Variants in ITCH observed in about 807,000 individuals in gnomAD.
The protein encoded by ITCH is itchy E3 ubiquitin protein ligase, also known as E3 ubiquitin-protein ligase Itchy homolog.
A neutral mutation model predicts 126.8 loss-of-function variants in ITCH; 28 were observed. The ratio of observed to expected loss-of-function variants is 0.22; its 90% CI spans 0.16 to 0.30. The LOEUF is 0.30. Among genes scored for constraint, ITCH ranks in the 10% least tolerant of loss-of-function variants. The probability of loss-of-function intolerance (pLI) is 1.00; values close to 1 mark genes in which losing one functional copy is unlikely to be tolerated. For missense variants in ITCH, 631 were observed against 1,032.4 expected, an observed-to-expected ratio of 0.61 and a Z score of 5.33; for synonymous variants, 342 against 340.0, an observed-to-expected ratio of 1.01 and a Z score of -0.06.
chr20:34,431,959 G>T (rs1004506303), intron 7 of ITCH, among the ~76,000 whole-genome samples: 1 of 149,108 alleles, frequency 6.7e-6, no homozygotes, highest in Non-Finnish European at 1.5e-5. Flanking sequence ...CAGGAGAATT[G>T]CTTGAACCCG....
intron 17 of ITCH, among the ~76,000 whole-genome samples, chr20:34,478,228 A>G (rs1988407697): frequency 6.6e-6 from 1 of 152,232 alleles, no homozygotes; most frequent in Admixed American, 6.5e-5. Flanking sequence ...ACCACCTCTT[A>G]TATCTGTTCC....
intron 16 of ITCH, among the ~76,000 whole-genome samples, chr20:34,471,942 A>G (rs1987672173): frequency 1.3e-5 from 2 of 152,200 alleles, no homozygotes; most frequent in South Asian, 4.1e-4. Flanking sequence ...TTAACACTTC[A>G]GTATTACTTG....
At chr20:34,448,004 T>A (rs1276570719) in intron 11 of ITCH, among the ~76,000 whole-genome samples, 1 of 152,182 alleles carries the variant, frequency 6.6e-6, no homozygotes, top group Non-Finnish European at 1.5e-5. Context: ...TTTTAACAAA[T>A]AAGCAATCAT....
chr20:34,504,894 T>C (rs1990521549), intron 24 of ITCH, among the ~76,000 whole-genome samples: 1 of 152,240 alleles, frequency 6.6e-6, no homozygotes, highest in Non-Finnish European at 1.5e-5. Context: ...ACTGTTTTAC[T>C]AATGTCTATT....
chr20:34,426,923 C>T (rs543498015), intron 7 of ITCH, among the ~76,000 whole-genome samples: 4 of 151,876 alleles, frequency 2.6e-5, no homozygotes, highest in Admixed American at 2.0e-4. Flanking sequence ...TACAGGCACC[C>T]GCCACGATGC....
intron 3 of ITCH, among the ~76,000 whole-genome samples, chr20:34,403,677 A>G (rs2038960383): frequency 6.6e-6 from 1 of 152,202 alleles, no homozygotes; most frequent in Non-Finnish European, 1.5e-5. Context: ...ACGGAGCCAT[A>G]CGTAAATATG....
chr20:34,445,065 C>T (rs1164642433), intron 10 of ITCH, among the ~76,000 whole-genome samples: 4 of 152,220 alleles, frequency 2.6e-5, no homozygotes, highest in Non-Finnish European at 5.9e-5. Context: ...GAGACTTACT[C>T]ACTAAATATG....
At chr20:34,399,332 C>T (rs746860077) in intron 3 of ITCH, among the ~76,000 whole-genome samples, 5 of 151,262 alleles carry the variant, frequency 3.3e-5, no homozygotes, top group Admixed American at 6.6e-5. Flanking sequence ...GCGGAGATGG[C>T]GGTGAGCTGA....
intron 16 of ITCH, among the ~76,000 whole-genome samples, chr20:34,477,348 T>G (rs1988325876): frequency 6.6e-6 from 1 of 152,088 alleles, no homozygotes; most frequent in Admixed American, 6.6e-5. Context: ...CTGGCCAACA[T>G]GGCAAAACCC....
intron 4 of ITCH, among the ~76,000 whole-genome samples, chr20:34,409,064 C>T (rs758467067): frequency 1.3e-5 from 2 of 150,788 alleles, no homozygotes; most frequent in Non-Finnish European, 2.9e-5. Context: ...GAAGAGAGCC[C>T]ATGGTCACGG....
At chr20:34,387,950 G>A (rs143425812) in intron 2 of ITCH, among the ~76,000 whole-genome samples, 1,655 of 152,152 alleles carry the variant, frequency 0.011, 120 homozygotes, top group Admixed American at 0.097. Flanking sequence ...TGATCCACCC[G>A]CCTCGGCCTC....
intron 23 of ITCH, among the ~76,000 whole-genome samples, chr20:34,496,528 A>G (rs545594768): frequency 6.6e-6 from 1 of 152,238 alleles, no homozygotes; most frequent in African/African-American, 2.4e-5. Flanking sequence ...GCTCAGGGCC[A>G]GGTGTGGTGG....
rs76412574 is a variant in ITCH at position 34,462,108 on chromosome 20, G to A, written c.1311G>A (p.Lys437=). 24 of 1,613,646 alleles carry A rather than the reference G, an allele frequency of 1.5e-5. No individual in the cohort carries two copies. Among genetic ancestry groups the A allele is most frequent in the African/African-American group, 2.7e-5 (2 of 74,926 alleles). ...TGTTTCGTAGTCAATTAAATGAAAA[G>A]CCCTTACCTGAAGGTTGGGAAATGA... The part of the protein sequence containing the change: ...DPRSQGQLNE[K]PLPEGWEMRF... Residue 437 remains lysine (K), a synonymous_variant, in exon 14 of 25, where the codon AAG becomes AAA. Coordinates refer to ENST00000374864, the MANE Select transcript of ITCH (RefSeq NM_031483.7).
At chr20:34,392,300 C>A (rs946821783) in intron 2 of ITCH, among the ~76,000 whole-genome samples, 31 of 152,036 alleles carry the variant, frequency 2.0e-4, no homozygotes, top group African/African-American at 7.2e-4. Flanking sequence ...TAAGAGGGTT[C>A]TTTTAGCAGA....
At chr20:34,490,619 G>A (rs1383003039) in intron 22 of ITCH, among the ~76,000 whole-genome samples, 1 of 152,246 alleles carries the variant, frequency 6.6e-6, no homozygotes, top group Non-Finnish European at 1.5e-5. Flanking sequence ...CTCCAGCCTG[G>A]GTGACAGAGC....
intron 6 of ITCH, among the ~76,000 whole-genome samples, chr20:34,415,500 T>G (rs1187497018): frequency 6.6e-6 from 1 of 152,060 alleles, no homozygotes; most frequent in Admixed American, 6.6e-5. Context: ...GAGGTTGCAG[T>G]GAGCGAAGAT....
intron 6 of ITCH, among the ~76,000 whole-genome samples, chr20:34,414,314 GA>G (rs1482107770): frequency 6.6e-6 from 1 of 152,060 alleles, no homozygotes; most frequent in African/African-American, 2.4e-5. Flanking sequence ...CATGAGTAAT[GA>G]GTTGATTTAT....
At chr20:34,445,266 T>TTG in intron 10 of ITCH, 21 bp from the exon 11 acceptor site, 1 of 1,595,104 alleles carries the variant, frequency 6.3e-7, no homozygotes, top group African/African-American at 1.4e-5. Flanking sequence ...GCTTGTTTTT[T>TTG]TTTTTTTTTT....
chr20:34,507,301 T>C, intron 24 of ITCH, among the ~76,000 whole-genome samples: 1 of 147,948 alleles, frequency 6.8e-6, no homozygotes, highest in Non-Finnish European at 1.5e-5. Context: ...GTTGTTGTTG[T>C]TGTTGTTTTG....
Sources: allele counts gnomAD v4.1 joint callset (sites outside exome capture counted in the v4.1 genomes callset), GRCh38; gene constraint gnomAD v4.1.1; transcripts MANE v1.5; gene names NCBI Gene and HGNC (gene_info 2026-07-23, HGNC 2026-07-21).